ABCA13: variants seen among roughly 807,000 people sequenced by gnomAD.
The protein encoded by ABCA13 is ATP-binding cassette sub-family A member 13.
A neutral mutation model predicts 478.7 loss-of-function variants in ABCA13; 476 were observed. The observed-to-expected ratio is 0.99, with a 90% CI of 0.92 to 1.07. The LOEUF (loss-of-function observed/expected upper bound fraction) is 1.07, where lower values mean the gene tolerates loss of function less well. Ranked by LOEUF, ABCA13 falls within the 50% of genes least tolerant of loss-of-function variation. The pLI is 0.00. For missense variants in ABCA13, 6,060 were observed against 5,910.6 expected (o/e 1.03, Z -0.83); for synonymous variants, 2,252 against 2,158.9 (o/e 1.04, Z -1.20).
At chr7:48,586,725 A>G (rs1306134125) in intron 56 of ABCA13, among the ~76,000 whole-genome samples, 1 of 152,152 alleles carries the variant, frequency 6.6e-6, no homozygotes, top group Non-Finnish European at 1.5e-5. Context: ...CCCTGAATCT[A>G]AAATAATAAA....
chr7:48,286,738 C>T (rs377228719), intron 19 of ABCA13, among the ~76,000 whole-genome samples: 14 of 152,206 alleles, frequency 9.2e-5, no homozygotes, highest in African/African-American at 1.7e-4. Context: ...CTCCTGACCT[C>T]GTGATCTGCC....
rs377328710 is a variant in ABCA13, at chr7:48,352,314, T to C, written c.10515T>C (p.Ser3505=). Residue 3505 remains serine, a synonymous_variant, in exon 31 of 62, where the codon TCT becomes TCC. Transcript: ENST00000435803. ...SVRTDVVKNP[S]WKFHPQNLPA... ...GAACAGATGTGGTAAAAAACCCTTC[T>C]TGGAAGTTCCACCCTCAGAATCTAC... 1.2e-5 allele frequency: 19 copies of C among 1,613,740 alleles called. No homozygotes were observed. The highest frequency in any genetic ancestry group is 2.7e-5 in the African/African-American group (2 of 74,778).
Position 48,352,225 on chromosome 7 carries a change from G to T in ABCA13, c.10426G>T (p.Glu3476Ter). The T allele has an allele frequency of 6.2e-7, 1 of 1,611,762 alleles. No homozygotes were observed. The highest frequency in any genetic ancestry group is 1.1e-5 in the South Asian group (1 of 90,972). ...CTTATTCGACAAGAACTTCAGATCAGAGTCTGTCAAACTGCCACCCCATGT... is the reference window on the plus strand; with the variant it reads ...CTTATTCGACAAGAACTTCAGATCATAGTCTGTCAAACTGCCACCCCATGT... The part of the protein sequence containing the change: ...NSLFDKNFRS[E>*]SVKLPPHVSY... The change falls in exon 31 of 62, where the codon GAG (glutamate) becomes TAG (stop). Residue 3476 changes from glutamate to a stop codon, truncating the protein, a stop_gained. Transcript: ENST00000435803. LOFTEE classifies it high-confidence loss of function.
rs972855046 is a variant in ABCA13 at position 48,583,193 on chromosome 7, C to T, written c.14505+2819C>T. 2.0e-5 allele frequency among the ~76,000 whole-genome samples: 3 copies of T among 152,266 alleles called. No homozygotes were observed. In the South Asian group the frequency reaches 6.2e-4, roughly 32 times the overall value. ...GGACTGTCCCTACTGTGTCTTGCTT[C>T]CCCTTATCTTCTGTAAAGACATGAC... On this transcript the variant is annotated intron_variant, in intron 56 of 61. Transcript: ENST00000435803.
At chr7:48,448,304 G>C (rs1563273828) in intron 42 of ABCA13, among the ~76,000 whole-genome samples, 1 of 152,196 alleles carries the variant, frequency 6.6e-6, no homozygotes, top group East Asian at 1.9e-4. Context: ...ACCTGTCTTT[G>C]GTGCATATTT....
At chr7:48,574,629 G>T (rs1163654642) in intron 55 of ABCA13, among the ~76,000 whole-genome samples, 3 of 152,126 alleles carry the variant, frequency 2.0e-5, no homozygotes, top group Non-Finnish European at 4.4e-5. Context: ...AGTCCTGTCT[G>T]CTCTGGTAGC....
chr7:48,237,356 A>T (rs552686002), intron 8 of ABCA13, among the ~76,000 whole-genome samples: 26 of 152,256 alleles, frequency 1.7e-4, no homozygotes, highest in Non-Finnish European at 3.2e-4. Context: ...TTAGTCTTAC[A>T]AGGGCAGGTT....
chr7:48,439,874 G>C (rs1377436716), intron 42 of ABCA13, among the ~76,000 whole-genome samples: 1 of 152,124 alleles, frequency 6.6e-6, no homozygotes, highest in African/African-American at 2.4e-5. Context: ...GGGAGTGACA[G>C]TGTGTATTCA....
intron 38 of ABCA13, among the ~76,000 whole-genome samples, chr7:48,393,918 G>A (rs1259699450): frequency 6.6e-6 from 1 of 152,148 alleles, no homozygotes; most frequent in East Asian, 1.9e-4. Flanking sequence ...GGCTGCAGCT[G>A]GCCTTCCTGC....
At chr7:48,229,390 C>T (rs959625817) in intron 6 of ABCA13, among the ~76,000 whole-genome samples, 27 of 152,198 alleles carry the variant, frequency 1.8e-4, no homozygotes, top group Middle Eastern at 6.8e-3. Context: ...CATGGTATTG[C>T]CCCCCAAATA....
intron 28 of ABCA13, 111 bp from the exon 29 acceptor site, chr7:48,338,254 G>T: frequency 1.4e-6 from 1 of 727,658 alleles, no homozygotes; most frequent in Non-Finnish European, 2.1e-6. Context: ...AGTGGATTCA[G>T]TTTATGTGCC....
intron 58 of ABCA13, among the ~76,000 whole-genome samples, chr7:48,601,187 C>A (rs1790860002): frequency 6.6e-6 from 1 of 151,760 alleles, no homozygotes. Context: ...CTTCAGAATC[C>A]CCACTTACTA....
chr7:48,482,939 A>G (rs867203761), intron 46 of ABCA13, 137 bp from the exon 47 acceptor site: 20 of 635,384 alleles, frequency 3.1e-5, no homozygotes, highest in Middle Eastern at 5.2e-4. Flanking sequence ...CTGTGTGTTC[A>G]TGTCACAGAC....
chr7:48,209,637 A>G (rs1785366071), intron 3 of ABCA13, among the ~76,000 whole-genome samples: 1 of 152,108 alleles, frequency 6.6e-6, no homozygotes, highest in Admixed American at 6.5e-5. Flanking sequence ...TAAGTTTTTC[A>G]GTTGAAGAGG....
intron 32 of ABCA13, among the ~76,000 whole-genome samples, chr7:48,368,687 G>GTATATATATATA (rs201820250): frequency 3.4e-4 from 42 of 122,748 alleles, no homozygotes; most frequent in Middle Eastern, 4.3e-3. Context: ...GTGTGTATGT[G>GTATATATATATA]TATATATATA....
intron 44 of ABCA13, among the ~76,000 whole-genome samples, chr7:48,468,073 A>G (rs920363255): frequency 6.6e-6 from 1 of 152,068 alleles, no homozygotes; most frequent in Non-Finnish European, 1.5e-5. Flanking sequence ...CTAGGGCCCC[A>G]TGGGGTCCAG....
At position 48,273,190 on chromosome 7, in the gene ABCA13, TTCA is replaced by T; in HGVS notation, c.3529_3531del (p.His1177del). On this transcript the variant is annotated inframe_deletion, in exon 17 of 62. Transcript: ENST00000435803. Reference sequence around the variant, plus strand: ...TTTGACATGAATGTTTTCACATCTCTTCATCATGGTTTCACTCAGCTTTTGGAT... The same window carrying T: ...TTTGACATGAATGTTTTCACATCTCTTCATGGTTTCACTCAGCTTTTGGAT... 1 of 1,613,720 alleles carries T rather than the reference TTCA, an allele frequency of 6.2e-7. No homozygotes were observed. Among genetic ancestry groups the T allele is most frequent in the Non-Finnish European group, 8.5e-7 (1 of 1,179,762 alleles).
At chr7:48,215,346 T>C (rs1035602251) in intron 3 of ABCA13, among the ~76,000 whole-genome samples, 1 of 152,142 alleles carries the variant, frequency 6.6e-6, no homozygotes, top group East Asian at 1.9e-4. Flanking sequence ...GATTGAGTTC[T>C]CCATCTTATA....
chr7:48,403,972 A>G (rs1267030378), intron 39 of ABCA13, 93 bp downstream of exon 39: 5 of 1,429,820 alleles, frequency 3.5e-6, no homozygotes, highest in Non-Finnish European at 4.8e-6. Context: ...GTTGTATCCC[A>G]GTGAGGCTAC....
Sources: gnomAD v4.1 joint callset for allele counts (sites outside exome capture counted in the v4.1 genomes callset) on GRCh38, gnomAD v4.1.1 for gene constraint, MANE v1.5 for transcripts, NCBI Gene and HGNC (gene_info 2026-07-23, HGNC 2026-07-21) for gene names.